Variants in RBPJ observed in about 807,000 individuals in gnomAD.
RBPJ encodes the protein recombining binding protein suppressor of hairless.
Under a neutral mutation model 67.8 loss-of-function variants are expected in RBPJ, and 9 were observed. The observed-to-expected ratio is 0.13, with a 90% CI of 0.08 to 0.23. The LOEUF is 0.23. RBPJ is among the 10% of genes least tolerant of loss of function. RBPJ has a pLI of 1.00. For missense variants in RBPJ, 305 were observed against 595.6 expected, an observed-to-expected ratio of 0.51 and a Z score of 5.08; for synonymous variants, 198 against 203.3, an observed-to-expected ratio of 0.97 and a Z score of 0.22.
rs569957144 is a variant in RBPJ at position 26,340,625 on chromosome 4, C to T, written c.20+19577C>T. 2.6e-5 allele frequency among the ~76,000 whole-genome samples: 4 copies of T among 151,770 alleles called. No individual in the cohort carries two copies. In the East Asian group the frequency reaches 5.8e-4, roughly 22 times the overall value. ...CTGTAATCCCAGCACTTTGGGAGGC[C>T]GAGGTGGGTGGATAATGAGGTCAGA... is the stretch of plus-strand genomic sequence containing the variant. On this transcript the variant is annotated intron_variant, in intron 1 of 10. Coordinates refer to ENST00000355476, the MANE Select transcript of RBPJ (RefSeq NM_015874.6).
chr4:26,364,984 A>G (rs1288224241), intron 1 of RBPJ, among the ~76,000 whole-genome samples: 3 of 151,980 alleles, frequency 2.0e-5, no homozygotes, highest in Non-Finnish European at 4.4e-5. Flanking sequence ...CTGCATTTCA[A>G]ATCTAATCCT....
chr4:26,315,510 A>G (rs1442424554), upstream of RBPJ, among the ~76,000 whole-genome samples: 2 of 152,104 alleles, frequency 1.3e-5, no homozygotes, highest in South Asian at 2.1e-4. Context: ...CTGAGGAAAC[A>G]GGGCAAGGAC....
At chr4:26,288,653 C>T (rs1721560238) in intron 1 of RBPJ, among the ~76,000 whole-genome samples, 1 of 152,126 alleles carries the variant, frequency 6.6e-6, no homozygotes, top group Non-Finnish European at 1.5e-5. Context: ...TTTTAAAAGC[C>T]CTCACAAACA....
intron 2 of RBPJ, among the ~76,000 whole-genome samples, chr4:26,402,381 T>C (rs1340676565): frequency 1.3e-5 from 2 of 152,248 alleles, no homozygotes; most frequent in African/African-American, 2.4e-5. Flanking sequence ...GCTGGTCCTT[T>C]GATACCAATC....
At chr4:26,207,421 A>G (rs1217882762) in intron 1 of RBPJ, among the ~76,000 whole-genome samples, 1 of 152,140 alleles carries the variant, frequency 6.6e-6, no homozygotes, top group Non-Finnish European at 1.5e-5. Context: ...CACCTAGCCA[A>G]GTGGATTGCA....
intron 7 of RBPJ, among the ~76,000 whole-genome samples, chr4:26,425,678 C>T (rs1048213520): frequency 6.6e-5 from 10 of 152,078 alleles, no homozygotes; most frequent in African/African-American, 2.4e-4. Flanking sequence ...AACAAAAGTC[C>T]TCTATAGTGC....
chr4:26,216,109 T>C (rs1345803157), intron 1 of RBPJ, among the ~76,000 whole-genome samples: 1 of 152,164 alleles, frequency 6.6e-6, no homozygotes, highest in Non-Finnish European at 1.5e-5. Flanking sequence ...GCTGCAAGGC[T>C]TTAATCTCTG....
chr4:26,387,770 C>G (rs539526718), intron 2 of RBPJ, among the ~76,000 whole-genome samples: 35 of 152,248 alleles, frequency 2.3e-4, no homozygotes, highest in African/African-American at 8.4e-4. Context: ...TCAGAGGAAA[C>G]AATTTCTAAA....
At chr4:26,425,652 T>C (rs1256313085) in intron 7 of RBPJ, among the ~76,000 whole-genome samples, 1 of 152,170 alleles carries the variant, frequency 6.6e-6, no homozygotes, top group Non-Finnish European at 1.5e-5. Flanking sequence ...AAAACTACTT[T>C]TGTTAGTAAA....
chr4:26,228,000 C>T (rs990583223), intron 1 of RBPJ, among the ~76,000 whole-genome samples: 11 of 152,218 alleles, frequency 7.2e-5, no homozygotes, highest in Non-Finnish European at 1.0e-4. Flanking sequence ...AGCCATTGGT[C>T]TAGGGCCCCT....
At chr4:26,390,329 C>T (rs3109846) in intron 2 of RBPJ, among the ~76,000 whole-genome samples, 3,647 of 152,204 alleles carry the variant, frequency 0.024, 126 homozygotes, top group African/African-American at 0.072. Context: ...TGTTTTTCCT[C>T]TAACATTAGG....
chr4:26,153,924 G>A, the RBPJ span, among the ~76,000 whole-genome samples: 191 of 152,198 alleles, frequency 1.3e-3, 3 homozygotes, highest in African/African-American at 4.2e-3. Flanking sequence ...CTCCAGCCCC[G>A]GTGACAGAGT....
intron 1 of RBPJ, among the ~76,000 whole-genome samples, chr4:26,233,611 C>T (rs1237692992): frequency 6.6e-6 from 1 of 152,144 alleles, no homozygotes; most frequent in Non-Finnish European, 1.5e-5. Context: ...TCCTTAGTAC[C>T]TTCACCATTG....
intron 1 of RBPJ, among the ~76,000 whole-genome samples, chr4:26,291,453 G>A (rs892195717): frequency 5.3e-5 from 8 of 150,874 alleles, no homozygotes; most frequent in African/African-American, 2.0e-4. Flanking sequence ...AGAAAATCAA[G>A]ACATCAAATT....
chr4:26,289,597 C>A (rs933591789), intron 1 of RBPJ, among the ~76,000 whole-genome samples: 2 of 150,476 alleles, frequency 1.3e-5, no homozygotes, highest in African/African-American at 4.9e-5. Flanking sequence ...TCAAGAAGGA[C>A]TTTATCACGT....
At chr4:26,313,628 C>T (rs1409678483) in intron 1 of RBPJ, among the ~76,000 whole-genome samples, 1 of 151,786 alleles carries the variant, frequency 6.6e-6, no homozygotes, top group East Asian at 1.9e-4. Context: ...CAAGATCATG[C>T]CACTGCATTC....
At chr4:26,157,991 A>C in the RBPJ span, among the ~76,000 whole-genome samples, 4 of 152,248 alleles carry the variant, frequency 2.6e-5, no homozygotes, top group Non-Finnish European at 5.9e-5. Context: ...CAGATGAACT[A>C]TCTAGCTGAA....
chr4:26,365,960 T>C (rs1728580215), intron 1 of RBPJ, among the ~76,000 whole-genome samples: 1 of 152,232 alleles, frequency 6.6e-6, no homozygotes, highest in East Asian at 1.9e-4. Flanking sequence ...AACTCATAGA[T>C]CAGTGGTTTT....
At position 26,359,413 on chromosome 4, in the gene RBPJ, ATTTTTT is replaced by A. The variant is rs56112785; in HGVS notation, c.21-26925_21-26920del. Among the ~76,000 whole-genome samples the A allele has an allele frequency of 4.1e-3, 525 of 129,050 alleles. 4 individuals are homozygous for A. Among genetic ancestry groups the A allele is most frequent in the African/African-American group, 0.015 (500 of 34,170 alleles). 84.7% of individuals were successfully genotyped at this position (129,050 alleles called of 152,430 possible). On this transcript the variant is annotated intron_variant, in intron 1 of 10. Transcript: ENST00000355476. Reference sequence around the variant, plus strand: ...TTGCAATGACCATTATAACACCTTCATTTTTTTTTTTTTTTTTTTTAACATTTTGTT... The same window carrying A: ...TTGCAATGACCATTATAACACCTTCATTTTTTTTTTTTTTAACATTTTGTT...
Sources: gnomAD v4.1 joint callset for allele counts (sites outside exome capture counted in the v4.1 genomes callset) on GRCh38, gnomAD v4.1.1 for gene constraint, MANE v1.5 for transcripts, NCBI Gene and HGNC (gene_info 2026-07-23, HGNC 2026-07-21) for gene names.